The following PLAG1 variants were observed in gnomAD, a reference collection of about 807,000 sequenced individuals.
The protein encoded by PLAG1 is zinc finger protein PLAG1.
In PLAG1, 7 loss-of-function variants were observed where a neutral mutation model predicts 35.5. The observed-to-expected ratio is 0.20, with a 90% CI of 0.11 to 0.37. The LOEUF is 0.37. Among genes scored for constraint, PLAG1 ranks in the 10% least tolerant of loss-of-function variants. PLAG1 has a pLI of 1.00. For missense variants in PLAG1, 454 were observed against 602.8 expected (o/e 0.75, Z 2.58); for synonymous variants, 229 against 225.4 (o/e 1.02, Z -0.14).
At chr8:56,181,129 T>G (rs1480081446) in intron 1 of PLAG1, among the ~76,000 whole-genome samples, 1 of 152,190 alleles carries the variant, frequency 6.6e-6, no homozygotes, top group Non-Finnish European at 1.5e-5. Flanking sequence ...GGAGTGTAAC[T>G]TAGTTCAACC....
At position 56,166,974 on chromosome 8, in the gene PLAG1, C is replaced by T. The variant is rs1811377267; in HGVS notation, c.772G>A (p.Val258Met). 6.2e-7 allele frequency: 1 copy of T among 1,613,990 alleles called. No individual in the cohort carries two copies. The highest frequency in any genetic ancestry group is 1.3e-5 in the African/African-American group (1 of 74,904). The change falls in exon 5 of 5, where the codon GTG (valine) becomes ATG (methionine). Residue 258 changes from valine to methionine, a missense_variant. By Grantham distance (21) the Val-to-Met change is conservative. Around this residue, in one of 4 missense-constraint regions of PLAG1, gnomAD observed 271 missense variants for 315.6 expected, o/e 0.86. Coordinates refer to ENST00000316981, the MANE Select transcript of PLAG1 (RefSeq NM_002655.3). The part of the protein sequence containing the change: ...VDFLDPFTCN[V>M]SVPIKDELLP... ...AGCTCGTCTTTTATAGGCACAGACACATTGCAGGTAAATGGGTCAAGGAAA... is the reference window on the plus strand; with the variant it reads ...AGCTCGTCTTTTATAGGCACAGACATATTGCAGGTAAATGGGTCAAGGAAA...
At chr8:56,196,601 G>A (rs995191457) in intron 1 of PLAG1, among the ~76,000 whole-genome samples, 5 of 152,018 alleles carry the variant, frequency 3.3e-5, no homozygotes, top group Admixed American at 1.3e-4. Context: ...GTGGCACCGC[G>A]AGCGTTTCCT....
At chr8:56,180,891 G>A (rs558960944) in intron 1 of PLAG1, among the ~76,000 whole-genome samples, 13 of 152,232 alleles carry the variant, frequency 8.5e-5, no homozygotes, top group East Asian at 3.9e-4. Context: ...AAAAGTGGGC[G>A]AAGGATATGA....
intron 1 of PLAG1, among the ~76,000 whole-genome samples, chr8:56,200,168 CA>C (rs1812509582): frequency 6.6e-6 from 1 of 152,204 alleles, no homozygotes; most frequent in Admixed American, 6.5e-5. Flanking sequence ...CTTCCCCCGC[CA>C]TTCTTGGCTC....
intron 2 of PLAG1, among the ~76,000 whole-genome samples, chr8:56,179,168 T>C (rs968887211): frequency 7.2e-5 from 11 of 151,918 alleles, no homozygotes; most frequent in African/African-American, 2.7e-4. Flanking sequence ...ACAGCAGCTA[T>C]GTGTTTTGTG....
At position 56,192,849 on chromosome 8, in the gene PLAG1, C is replaced by T. The variant is rs1030052011; in HGVS notation, c.-321-13336G>A. On this transcript the variant is annotated intron_variant, in intron 1 of 4. Transcript: ENST00000316981. Reference sequence around the variant, plus strand: ...TAAAGAATACAACAGGGATGCAATCCGCAGAACTCAGACTTGGGGGAAACA... The same window carrying T: ...TAAAGAATACAACAGGGATGCAATCTGCAGAACTCAGACTTGGGGGAAACA... Among the ~76,000 whole-genome samples, 5 of 151,956 alleles carry T rather than the reference C, an allele frequency of 3.3e-5. No individual in the cohort carries two copies. In the East Asian group the frequency reaches 7.7e-4, roughly 23 times the overall value.
At position 56,166,962 on chromosome 8, in the gene PLAG1, T is replaced by C. The variant is rs1420779865; in HGVS notation, c.784A>G (p.Ile262Val). The change falls in exon 5 of 5, where the codon ATA becomes GTA. Residue 262 changes from isoleucine (I) to valine (V), a missense_variant. Ile to Val is a conservative substitution (Grantham distance 29, BLOSUM62 3). Coordinates refer to ENST00000316981, the MANE Select transcript of PLAG1 (RefSeq NM_002655.3). Reference protein sequence around the residue: ...DPFTCNVSVPIKDELLPVMSL... With the variant: ...DPFTCNVSVPVKDELLPVMSL... Reference sequence around the variant, plus strand: ...ATCACCGGAAGGAGCTCGTCTTTTATAGGCACAGACACATTGCAGGTAAAT... The same window carrying C: ...ATCACCGGAAGGAGCTCGTCTTTTACAGGCACAGACACATTGCAGGTAAAT... 2 of 1,614,084 alleles carry C rather than the reference T, an allele frequency of 1.2e-6. No homozygotes were observed. The highest frequency in any genetic ancestry group is 1.1e-5 in the South Asian group (1 of 91,078).
intron 1 of PLAG1, among the ~76,000 whole-genome samples, chr8:56,187,622 C>T (rs1050790791): frequency 2.0e-5 from 3 of 152,170 alleles, no homozygotes; most frequent in Admixed American, 1.3e-4. Flanking sequence ...GAAGTAAGTG[C>T]TGCCCTGGCC....
At chr8:56,210,780 G>C (rs1045129771) in intron 1 of PLAG1, among the ~76,000 whole-genome samples, 2 of 151,390 alleles carry the variant, frequency 1.3e-5, no homozygotes, top group Non-Finnish European at 2.9e-5. Flanking sequence ...AGGAGGAGGA[G>C]GAGGAGGAGG....
rs1010595693 is a variant in PLAG1, at chr8:56,162,281, T to C, written c.*3962A>G. On this transcript the variant is annotated 3_prime_UTR_variant, in exon 5 of 5. Coordinates refer to ENST00000316981, the MANE Select transcript of PLAG1 (RefSeq NM_002655.3). ...TCCTCCAATGTCACATGGATCTCAGTAGGCTAGAAGCAACTTGGGTGAACT... is the reference window on the plus strand; with the variant it reads ...TCCTCCAATGTCACATGGATCTCAGCAGGCTAGAAGCAACTTGGGTGAACT... 4 of 228,658 alleles carry C rather than the reference T, an allele frequency of 1.7e-5. No individual in the cohort carries two copies. Among genetic ancestry groups the C allele is most frequent in the African/African-American group, 6.7e-5 (3 of 45,108 alleles). The allele number at this position is 228,658 out of a possible 1,614,324, so 14.2% of individuals were successfully genotyped here.
chr8:56,208,015 C>T (rs1443579084), intron 1 of PLAG1, among the ~76,000 whole-genome samples: 1 of 152,068 alleles, frequency 6.6e-6, no homozygotes. Context: ...ATAAACCAGT[C>T]ATAGTGTCCA....
chr8:56,183,801 AT>A (rs772354790), intron 1 of PLAG1, among the ~76,000 whole-genome samples: 3 of 152,180 alleles, frequency 2.0e-5, no homozygotes, highest in Non-Finnish European at 4.4e-5. Context: ...TGAAATTGGA[AT>A]CACATCTCAC....
At position 56,179,689 on chromosome 8, in the gene PLAG1, C is replaced by T. The variant is rs77720105; in HGVS notation, c.-321-176G>A. The stretch of plus-strand genomic sequence containing the variant: ...ATAGTACATGGAAAAATGAAAAGTA[C>T]ACAAATTAATATCCCTAGATTTATA... On this transcript the variant is annotated intron_variant, in intron 1 of 4. Coordinates refer to ENST00000316981, the MANE Select transcript of PLAG1 (RefSeq NM_002655.3). Among the ~76,000 whole-genome samples the T allele has an allele frequency of 4.7e-3, 721 of 152,178 alleles. 2 individuals carry two copies. The highest frequency in any genetic ancestry group is 0.016 in the African/African-American group (679 of 41,486).
At chr8:56,194,992 GTGGGTGGTGAGCGAAGAAGCTGC>G (rs1375836979) in intron 1 of PLAG1, among the ~76,000 whole-genome samples, 2 of 152,126 alleles carry the variant, frequency 1.3e-5, no homozygotes, top group Non-Finnish European at 2.9e-5. Context: ...AGCAAATAAG[GTGGGTGGTGAGCGAAGAAGCTGC>G]TGAGGGTGCA....
Position 56,184,152 on chromosome 8 carries a change from A to G in PLAG1, c.-321-4639T>C, listed in dbSNP as rs577488538. On this transcript the variant is annotated intron_variant, in intron 1 of 4. Coordinates refer to ENST00000316981, the MANE Select transcript of PLAG1 (RefSeq NM_002655.3). ...AACTTCTAAAACTCAACAATAAAAAACAACTCAATTAACAAATGAGCAAAA... is the reference window on the plus strand; with the variant it reads ...AACTTCTAAAACTCAACAATAAAAAGCAACTCAATTAACAAATGAGCAAAA... 1.1e-4 allele frequency among the ~76,000 whole-genome samples: 17 copies of G among 152,352 alleles called. No individual in the cohort carries two copies. In the East Asian group the frequency reaches 1.3e-3, roughly 12 times the overall value.
At chr8:56,181,438 A>G (rs1811861377) in intron 1 of PLAG1, among the ~76,000 whole-genome samples, 1 of 152,198 alleles carries the variant, frequency 6.6e-6, no homozygotes, top group African/African-American at 2.4e-5. Flanking sequence ...GAAGCCGGAA[A>G]CCATCATTCT....
chr8:56,166,662 C>T lies in PLAG1; in HGVS notation c.1084G>A (p.Glu362Lys), dbSNP rs778985107. The change falls in exon 5 of 5, where the codon GAG (glutamate) becomes AAG (lysine). Residue 362 changes from glutamate to lysine, a missense_variant. Transcript: ENST00000316981. ...GAAGAGGGCACGCCACCTTGTAACT[C>T]CATCAGGTAACTCTCAATTTCCCCC... The part of the protein sequence containing the change: ...LKGEIESYLM[E>K]LQGGVPSSSQ... 6.2e-7 allele frequency: 1 copy of T among 1,613,908 alleles called. No homozygotes were observed. The highest frequency in any genetic ancestry group is 1.3e-5 in the African/African-American group (1 of 74,892).
chr8:56,161,902 C>T lies in PLAG1; in HGVS notation c.*4341G>A, dbSNP rs1811211943. ...AGCTTATATAATGAAGTGTTTTATACATTAGCAATAGTTCTGTGTCATTTC... is the reference window on the plus strand; with the variant it reads ...AGCTTATATAATGAAGTGTTTTATATATTAGCAATAGTTCTGTGTCATTTC... On this transcript the variant is annotated 3_prime_UTR_variant, in exon 5 of 5. Transcript: ENST00000316981. 6 of 227,032 alleles carry T rather than the reference C, an allele frequency of 2.6e-5. No individual in the cohort carries two copies. The highest frequency in any genetic ancestry group is 1.1e-4 in the Admixed American group (2 of 17,558). 14.1% of individuals were successfully genotyped at this position (227,032 alleles called of 1,614,324 possible).
Position 56,167,256 on chromosome 8 carries a change from C to A in PLAG1, c.490G>T (p.Val164Leu), listed in dbSNP as rs761880159. 11 of 1,614,130 alleles carry A rather than the reference C, an allele frequency of 6.8e-6. No homozygotes were observed. The South Asian group carries it at 1.2e-4, about 18-fold the overall frequency. The change falls in exon 5 of 5, where the codon GTG (valine) becomes TTG (leucine). Residue 164 changes from valine (V) to leucine (L), a missense_variant. By Grantham distance (32) the Val-to-Leu change is conservative. Transcript: ENST00000316981. This position sits in a 1 kb window ranked among gnomAD's most constrained non-coding sequence, Gnocchi z 5.9. ...VCLQTFESTG[V>L]LLEHLKSHAG... is the part of the protein sequence containing the mutation. ...TGAGATTTAAGGTGCTCCAGAAGCA[C>A]TCCCGTGCTTTCAAAAGTTTGCAAA...
Sources: gnomAD v4.1 joint callset for allele counts (sites outside exome capture counted in the v4.1 genomes callset) on GRCh38, gnomAD v4.1.1 for gene constraint, gnomAD v4.1.1 regional missense constraint, Gnocchi (gnomAD v3.1) non-coding constraint, MANE v1.5 for transcripts, NCBI Gene and HGNC (gene_info 2026-07-23, HGNC 2026-07-21) for gene names.